The following PFKFB3 variants were observed in gnomAD, a reference collection of about 807,000 sequenced individuals.
PFKFB3 encodes 6-phosphofructo-2-kinase/fructose-2,6-bisphosphatase 3.
In PFKFB3, 33 loss-of-function variants were observed where a neutral mutation model predicts 68.0. The ratio of observed to expected loss-of-function variants is 0.49; its 90% CI spans 0.37 to 0.65. The LOEUF (loss-of-function observed/expected upper bound fraction) is 0.65, where lower values mean the gene tolerates loss of function less well. Among genes scored for constraint, PFKFB3 ranks in the 30% least tolerant of loss-of-function variants. PFKFB3 has a pLI of 0.00. For missense variants in PFKFB3, 586 were observed against 712.2 expected, an observed-to-expected ratio of 0.82 and a Z score of 2.02; for synonymous variants, 315 against 288.2, an observed-to-expected ratio of 1.09 and a Z score of -0.94.
intron 14 of PFKFB3, among the ~76,000 whole-genome samples, chr10:6,250,277 C>T (rs78218455): frequency 0.034 from 5,108 of 152,010 alleles, 307 homozygotes; most frequent in African/African-American, 0.12. Flanking sequence ...TATTAAGAGG[C>T]GGGGTCGGCC....
chr10:6,163,677 C>T (rs1270086742), intron 1 of PFKFB3, among the ~76,000 whole-genome samples: 1 of 151,650 alleles, frequency 6.6e-6, no homozygotes, highest in African/African-American at 2.4e-5. Context: ...AGCTGCGGGC[C>T]CGACGGGGGC....
chr10:6,186,169 A>G (rs898523025), intron 1 of PFKFB3, among the ~76,000 whole-genome samples: 11 of 152,198 alleles, frequency 7.2e-5, no homozygotes, highest in Admixed American at 2.0e-4. Context: ...TAATATTCTA[A>G]TTAGAAAGTT....
At chr10:6,283,711 C>T in the PFKFB3 span, among the ~76,000 whole-genome samples, 13 of 152,176 alleles carry the variant, frequency 8.5e-5, no homozygotes, top group Non-Finnish European at 1.2e-4. Context: ...GCTGTGGACC[C>T]CCAGATTGAA....
At chr10:6,170,352 C>T (rs76522118) in intron 1 of PFKFB3, among the ~76,000 whole-genome samples, 13 of 152,268 alleles carry the variant, frequency 8.5e-5, no homozygotes, top group African/African-American at 1.4e-4. Context: ...TAGACTCACT[C>T]GTTCCCCCAC....
the PFKFB3 span, among the ~76,000 whole-genome samples, chr10:6,315,712 C>T: frequency 2.0e-5 from 3 of 152,236 alleles, no homozygotes; most frequent in Admixed American, 2.0e-4. Flanking sequence ...TCTCGAACTC[C>T]TGACCTCAGG....
At chr10:6,183,613 AAATAT>A (rs201542849) in intron 1 of PFKFB3, among the ~76,000 whole-genome samples, 21,259 of 83,842 alleles carry the variant, frequency 0.25, 1,448 homozygotes, top group Non-Finnish European at 0.3. Context: ...AAAAAAAAAA[AAATAT>A]ATATATATAT....
At chr10:6,223,241 C>T (rs182728539) in intron 11 of PFKFB3, among the ~76,000 whole-genome samples, 4 of 152,284 alleles carry the variant, frequency 2.6e-5, no homozygotes, top group East Asian at 1.9e-4. Context: ...CCCTGAGACC[C>T]GCCCCTGGCT....
the PFKFB3 span, among the ~76,000 whole-genome samples, chr10:6,273,712 A>G: frequency 6.6e-6 from 1 of 152,232 alleles, no homozygotes; most frequent in Admixed American, 6.5e-5. Context: ...GCCTTAATCC[A>G]GTATGGCTGA....
At chr10:6,302,030 T>A in the PFKFB3 span, among the ~76,000 whole-genome samples, 1 of 151,248 alleles carries the variant, frequency 6.6e-6, no homozygotes, top group East Asian at 1.9e-4. Context: ...GAAGGTAACA[T>A]ACTTGCGATT....
intron 1 of PFKFB3, among the ~76,000 whole-genome samples, chr10:6,211,109 A>G (rs959930865): frequency 4.6e-5 from 7 of 152,166 alleles, no homozygotes; most frequent in Non-Finnish European, 7.3e-5. Context: ...AGCAGTGCAT[A>G]GGGAGAATGG....
chr10:6,300,614 C>T, the PFKFB3 span, among the ~76,000 whole-genome samples: 15 of 152,304 alleles, frequency 9.8e-5, no homozygotes, highest in Middle Eastern at 3.4e-3. Context: ...ATTCTTTGAT[C>T]GTTAGCAGGA....
chr10:6,193,155 G>A (rs191325118), intron 1 of PFKFB3, among the ~76,000 whole-genome samples: 56 of 152,228 alleles, frequency 3.7e-4, no homozygotes, highest in Middle Eastern at 3.4e-3. Context: ...GACCAGCCTG[G>A]GCAGCATAAT....
the PFKFB3 span, among the ~76,000 whole-genome samples, chr10:6,268,073 C>A: frequency 7.2e-5 from 11 of 151,968 alleles, no homozygotes; most frequent in East Asian, 7.7e-4. Context: ...GTTCTCATGT[C>A]CGCTGCTTTT....
chr10:6,256,138 G>C (rs1846491981), downstream of PFKFB3, among the ~76,000 whole-genome samples: 1 of 152,188 alleles, frequency 6.6e-6, no homozygotes, highest in Non-Finnish European at 1.5e-5. Context: ...CTAACCCTGA[G>C]AGTTTAGGGC....
chr10:6,219,718 T>C, intron 7 of PFKFB3, 25 bp downstream of exon 7: 1 of 1,610,630 alleles, frequency 6.2e-7, no homozygotes. Context: ...TGGCCGTCTC[T>C]GCAAGACCCA....
In PFKFB3 at chr10:6,233,801, G is replaced by GAACGTA. The variant is rs1845883760; in HGVS notation, c.*860_*865dup. On this transcript the variant is annotated 3_prime_UTR_variant, in exon 15 of 15. Transcript: ENST00000379775. Reference sequence around the variant, plus strand: ...CCTGAGAGTCCCACCTTCTCTTCAGGAACGTAGATGTTGGGGTGTCTTGCC... The same window carrying GAACGTA: ...CCTGAGAGTCCCACCTTCTCTTCAGGAACGTAAACGTAGATGTTGGGGTGTCTTGCC... The GAACGTA allele has an allele frequency of 6.5e-6, 1 of 152,906 alleles. No individual in the cohort carries two copies. Among genetic ancestry groups the GAACGTA allele is most frequent in the East Asian group, 1.9e-4 (1 of 5,336 alleles). The allele number at this position is 152,906 out of a possible 1,614,324, so 9.5% of individuals were successfully genotyped here.
chr10:6,218,473 G>A (rs758396844), intron 6 of PFKFB3, among the ~76,000 whole-genome samples: 13 of 151,490 alleles, frequency 8.6e-5, no homozygotes, highest in Non-Finnish European at 1.9e-4. Flanking sequence ...CTGTTGCCCA[G>A]GCTGGAATGC....
At chr10:6,197,188 G>A (rs1843201285) in intron 1 of PFKFB3, among the ~76,000 whole-genome samples, 1 of 152,008 alleles carries the variant, frequency 6.6e-6, no homozygotes, top group Admixed American at 6.6e-5. Context: ...TGTTGGTCAG[G>A]CTGGTCTCGA....
Position 6,221,428 on chromosome 10 carries a change from C to G in PFKFB3, c.879C>G (p.Asp293Glu). The G allele has an allele frequency of 6.2e-7, 1 of 1,613,838 alleles. No individual in the cohort carries two copies. The highest frequency in any genetic ancestry group is 8.5e-7 in the Non-Finnish European group (1 of 1,179,992). Residue 293 changes from aspartate (D) to glutamate (E), a missense_variant, in exon 9 of 15, where the codon GAC becomes GAG. By Grantham distance (45) the Asp-to-Glu change is conservative. Transcript: ENST00000379775. ...TCGTGGAGGAGCAGAACCTGAAGGACCTGCGCGTGTGGACCAGCCAGCTGA... is the reference window on the plus strand; with the variant it reads ...TCGTGGAGGAGCAGAACCTGAAGGAGCTGCGCGTGTGGACCAGCCAGCTGA... ...SKFVEEQNLK[D>E]LRVWTSQLKS...
Sources: gnomAD v4.1 joint callset for allele counts (sites outside exome capture counted in the v4.1 genomes callset) on GRCh38, gnomAD v4.1.1 for gene constraint, MANE v1.5 for transcripts, NCBI Gene and HGNC (gene_info 2026-07-23, HGNC 2026-07-21) for gene names.